The following ZSCAN9 variants were observed in gnomAD, a reference collection of about 807,000 sequenced individuals.
ZSCAN9 encodes the protein zinc finger and SCAN domain-containing protein 9.
In ZSCAN9, 19 loss-of-function variants were observed where a neutral mutation model predicts 23.0. That is an observed-to-expected ratio of 0.83 (90% CI 0.58 to 1.21). The LOEUF (loss-of-function observed/expected upper bound fraction) is 1.21. ZSCAN9 is among the 50% of genes most tolerant of loss of function. ZSCAN9 has a pLI of 0.00. For synonymous variants in ZSCAN9, 155 were observed against 164.8 expected, an observed-to-expected ratio of 0.94 and a Z score of 0.46; for missense variants, 467 against 471.5, an observed-to-expected ratio of 0.99 and a Z score of 0.09.
intron 3 of ZSCAN9, chr6:28,228,620 G>C (rs896647767): frequency 6.5e-6 from 1 of 154,576 alleles, no homozygotes. Context: ...TCCGTAACCA[G>C]TATGTACCTC....
At chr6:28,230,576 T>C in intron 3 of ZSCAN9, 6 of 1,281,404 alleles carry the variant, frequency 4.7e-6, no homozygotes, top group Non-Finnish European at 6.3e-6. Context: ...CCTGGGTCTG[T>C]TGTCCTCGGC....
At chr6:28,226,240 G>T (rs1007203230) in intron 1 of ZSCAN9, among the ~76,000 whole-genome samples, 1 of 152,210 alleles carries the variant, frequency 6.6e-6, no homozygotes, top group Non-Finnish European at 1.5e-5. Context: ...TTATTCTTCA[G>T]TAGCAGCAGG....
rs1268119543 is a variant in ZSCAN9 at position 28,232,733 on chromosome 6, AC to A, written c.742del (p.Leu248SerfsTer2). 6.2e-7 allele frequency: 1 copy of A among 1,614,180 alleles called. No homozygotes were observed. Among genetic ancestry groups the A allele is most frequent in the Admixed American group, 1.7e-5 (1 of 60,026 alleles). On this transcript the variant is annotated frameshift_variant, in exon 4 of 4. Transcript: ENST00000252207. LOFTEE classifies it low-confidence loss of function (END_TRUNC). ...HKDRIERQWG[N>X]LLGEGQHKCD... Reference sequence around the variant, plus strand: ...GATAGGATAGAGAGGCAGTGGGGAAACCTCTTAGGAGAGGGGCAACACAAAT... The same window carrying A: ...GATAGGATAGAGAGGCAGTGGGGAAACTCTTAGGAGAGGGGCAACACAAAT...
chr6:28,233,230 G>A lies in ZSCAN9; in HGVS notation c.*52G>A, dbSNP rs534518493. 1.3e-6 allele frequency: 2 copies of A among 1,558,436 alleles called. No homozygotes were observed. Among genetic ancestry groups the A allele is most frequent in the Admixed American group, 3.9e-5 (2 of 50,778 alleles). ...ATCACCACCCAAGTTGTGTGGGGCA[G>A]GTTGAGACTAGAAAATGCCTCTTTC... On this transcript the variant is annotated 3_prime_UTR_variant, in exon 4 of 4. Transcript: ENST00000252207.
intron 3 of ZSCAN9, chr6:28,228,440 C>G (rs759117444): frequency 2.2e-4 from 47 of 211,310 alleles, no homozygotes; most frequent in Non-Finnish European, 3.5e-4. Context: ...TGTATGCATA[C>G]AGAGAGAGAG....
Position 28,227,395 on chromosome 6 carries a change from T to C in ZSCAN9, c.311T>C (p.Leu104Pro), listed in dbSNP as rs1700310422. ...LLVLEQFLSI[L>P]PKELQGWVRE... ...GTGCTGGAGCAGTTTCTATCCATTC[T>C]GCCCAAGGAGCTCCAGGGCTGGGTG... The change falls in exon 2 of 4, where the codon CTG (leucine) becomes CCG (proline). Residue 104 changes from leucine to proline, a missense_variant. Coordinates refer to ENST00000252207, the MANE Select transcript of ZSCAN9 (RefSeq NM_006299.5). 1.9e-6 allele frequency: 3 copies of C among 1,614,236 alleles called. No homozygotes were observed. The highest frequency in any genetic ancestry group is 2.7e-5 in the African/African-American group (2 of 75,052).
At chr6:28,230,381 G>A (rs1385205462) in intron 3 of ZSCAN9, 1 of 1,535,886 alleles carries the variant, frequency 6.5e-7, no homozygotes, top group Non-Finnish European at 8.7e-7. Context: ...ATCCCACTTG[G>A]GGCCCATCTG....
intron 3 of ZSCAN9, among the ~76,000 whole-genome samples, chr6:28,231,300 CAT>C (rs1760295197): frequency 6.6e-6 from 1 of 152,276 alleles, no homozygotes; most frequent in Non-Finnish European, 1.5e-5. Context: ...CAGTCAATCT[CAT>C]AACCAAGATG....
chr6:28,231,450 CTT>C (rs1009562393), intron 3 of ZSCAN9, among the ~76,000 whole-genome samples: 1 of 151,964 alleles, frequency 6.6e-6, no homozygotes, highest in African/African-American at 2.4e-5. Flanking sequence ...AAATTTAAAA[CTT>C]AAGAATTGTT....
chr6:28,228,557 A>C (rs766275709), intron 3 of ZSCAN9: 20 of 155,484 alleles, frequency 1.3e-4, no homozygotes, highest in Non-Finnish European at 1.4e-4. Flanking sequence ...ATCTCCAAAT[A>C]TAATCATATT....
rs772092828 is a variant in ZSCAN9, at chr6:28,227,521, G to T, written c.420+17G>T. ...CAACATGAGGTAGGAAGGGAGATTT[G>T]CTAGAGAAAAATGTGTATTTTGGCA... On this transcript the variant is annotated intron_variant, in intron 2 of 3. Transcript: ENST00000252207. 4 of 1,572,772 alleles carry T rather than the reference G, an allele frequency of 2.5e-6. No individual in the cohort carries two copies. The highest frequency in any genetic ancestry group is 3.4e-6 in the Non-Finnish European group (4 of 1,163,154).
intron 3 of ZSCAN9, chr6:28,230,324 T>TA (rs1397474341): frequency 2.0e-6 from 3 of 1,524,242 alleles, no homozygotes; most frequent in Non-Finnish European, 2.6e-6. Flanking sequence ...CCAGCTCCCT[T>TA]ATGGATTTCA....
chr6:28,231,773 G>A (rs1376360024), intron 3 of ZSCAN9, among the ~76,000 whole-genome samples: 1 of 151,960 alleles, frequency 6.6e-6, no homozygotes, highest in Non-Finnish European at 1.5e-5. Context: ...AATCTTCCAT[G>A]TAGTATATTT....
Position 28,232,593 on chromosome 6 carries a change from G to A in ZSCAN9, c.600G>A (p.Leu200=). The change falls in exon 4 of 4, where the codon TTG becomes TTA. Residue 200 remains leucine (L), a synonymous_variant. Transcript: ENST00000252207. ...DEVTKTEDRE[L]VLRKDCPKIV... ...TAACCAAGACTGAGGACAGAGAGTT[G>A]GTGCTAAGGAAAGACTGTCCTAAGA... 6.2e-7 allele frequency: 1 copy of A among 1,613,888 alleles called. No individual in the cohort carries two copies. The highest frequency in any genetic ancestry group is 8.5e-7 in the Non-Finnish European group (1 of 1,179,840).
rs1760374755 is a variant in ZSCAN9, at chr6:28,233,157, C to T, written c.1164C>T (p.His388=). The change falls in exon 4 of 4, where the codon CAC becomes CAT. Residue 388 remains histidine (H), a synonymous_variant. Transcript: ENST00000252207. ...HCNLIRHQKI[H]TVAELV ...ACCTCATTCGCCATCAGAAGATCCACACAGTGGCTGAGCTGGTCTAGGGCT... is the reference window on the plus strand; with the variant it reads ...ACCTCATTCGCCATCAGAAGATCCATACAGTGGCTGAGCTGGTCTAGGGCT... 1 of 1,613,932 alleles carries T rather than the reference C, an allele frequency of 6.2e-7. No homozygotes were observed. The highest frequency in any genetic ancestry group is 1.1e-5 in the South Asian group (1 of 91,076).
chr6:28,233,153 T>A lies in ZSCAN9; in HGVS notation c.1160T>A (p.Ile387Asn), dbSNP rs751604505. Residue 387 changes from isoleucine to asparagine, a missense_variant, in exon 4 of 4, where the codon ATC becomes AAC. Ile to Asn is a moderately radical substitution (Grantham distance 149). Transcript: ENST00000252207. ...TGCAACCTCATTCGCCATCAGAAGA[T>A]CCACACAGTGGCTGAGCTGGTCTAG... ...RHCNLIRHQKIHTVAELV is the reference protein window; with the variant it reads ...RHCNLIRHQKNHTVAELV 12 of 1,613,996 alleles carry A rather than the reference T, an allele frequency of 7.4e-6. No individual in the cohort carries two copies. The Admixed American group carries it at 1.8e-4, about 25-fold the overall frequency.
rs747581705 is a variant in ZSCAN9 at position 28,227,676 on chromosome 6, C to T, written c.421-14C>T. 1.9e-6 allele frequency: 3 copies of T among 1,583,646 alleles called. No individual in the cohort carries two copies. The highest frequency in any genetic ancestry group is 2.6e-6 in the Non-Finnish European group (3 of 1,172,984). On this transcript the variant is annotated splice_polypyrimidine_tract_variant and intron_variant, in intron 2 of 3. Transcript: ENST00000252207. ...AATTTCTTCAAAAGTCAAATCTTGT[C>T]TTTTTGTCCCCAGATGGTGGCCCAC...
chr6:28,227,446 A>T lies in ZSCAN9; in HGVS notation c.362A>T (p.Glu121Val). 6.2e-7 allele frequency: 1 copy of T among 1,613,524 alleles called. No individual in the cohort carries two copies. Among genetic ancestry groups the T allele is most frequent in the Non-Finnish European group, 8.5e-7 (1 of 1,179,682 alleles). Residue 121 changes from glutamate (E) to valine (V), a missense_variant, in exon 2 of 4, where the codon GAA (glutamate) becomes GTA (valine). Coordinates refer to ENST00000252207, the MANE Select transcript of ZSCAN9 (RefSeq NM_006299.5). ...WVREHCPESG[E>V]EAVILLEDLE... ...AGGGAACACTGTCCAGAGAGTGGAG[A>T]AGAGGCTGTGATTTTGCTGGAGGAT...
Position 28,233,373 on chromosome 6 carries a change from C to A in ZSCAN9, c.*195C>A. The A allele has an allele frequency of 1.2e-6, 1 of 833,066 alleles. No individual in the cohort carries two copies. The highest frequency in any genetic ancestry group is 1.8e-6 in the Non-Finnish European group (1 of 570,710). 51.6% of individuals were successfully genotyped at this position (833,066 alleles called of 1,614,324 possible). On this transcript the variant is annotated 3_prime_UTR_variant, in exon 4 of 4. Coordinates refer to ENST00000252207, the MANE Select transcript of ZSCAN9 (RefSeq NM_006299.5). ...TCTCTTTTGTTCATTTTACCTCTTT[C>A]TTACTCTTACTAGCTGTGTCCCTCT...
Sources: allele counts gnomAD v4.1 joint callset (sites outside exome capture counted in the v4.1 genomes callset), GRCh38; gene constraint gnomAD v4.1.1; transcripts MANE v1.5; gene names NCBI Gene and HGNC (gene_info 2026-07-23, HGNC 2026-07-21).